Variants in RFWD3 observed in about 807,000 individuals in gnomAD.
RFWD3 encodes the protein ring finger and WD repeat domain 3, also known as E3 ubiquitin-protein ligase RFWD3.
Under a neutral mutation model 87.7 loss-of-function variants are expected in RFWD3, and 65 were observed. That is an observed-to-expected ratio of 0.74 (90% CI 0.61 to 0.91). RFWD3 has a LOEUF of 0.91. Ranked by LOEUF, RFWD3 falls within the 40% of genes least tolerant of loss-of-function variation. The pLI, the probability that RFWD3 is intolerant of heterozygous loss-of-function variation, is 0.00. For synonymous variants in RFWD3, 433 were observed against 352.8 expected (o/e 1.23, Z -2.55); for missense variants, 1,078 against 938.5 (o/e 1.15, Z -1.94).
rs1331838963 is a variant in RFWD3 at position 74,633,454 on chromosome 16, A to G, written c.1427-781T>C. Reference sequence around the variant, plus strand: ...AATACCACCCGTTAAAAAGGAATTAACTACTAATATATACAATAAAAAATT... The same window carrying G: ...AATACCACCCGTTAAAAAGGAATTAGCTACTAATATATACAATAAAAAATT... On this transcript the variant is annotated intron_variant, in intron 8 of 12. Transcript: ENST00000361070. Among the ~76,000 whole-genome samples the G allele has an allele frequency of 2.6e-5, 4 of 152,298 alleles. No individual in the cohort carries two copies. In the East Asian group the frequency reaches 5.8e-4, roughly 22 times the overall value.
chr16:74,665,610 T>A (rs1455542840), intron 1 of RFWD3, among the ~76,000 whole-genome samples: 3 of 151,008 alleles, frequency 2.0e-5, no homozygotes, highest in African/African-American at 7.3e-5. Context: ...AATAAAACAA[T>A]GAGCCGGGCG....
intron 1 of RFWD3, among the ~76,000 whole-genome samples, chr16:74,665,031 T>A (rs1961767938): frequency 6.6e-6 from 1 of 152,106 alleles, no homozygotes; most frequent in Non-Finnish European, 1.5e-5. Context: ...CTGTGAGCGG[T>A]GCTTAAAATG....
rs186091240 is a variant in RFWD3 at position 74,624,503 on chromosome 16, C to T, written c.2182-432G>A. ...ATCTGCCTCCTGGGTTCCAGCGATT[C>T]TCATGCCTCAGCCTCCCAAGTAGCT... On this transcript the variant is annotated intron_variant, in intron 12 of 12. Coordinates refer to ENST00000361070, the MANE Select transcript of RFWD3 (RefSeq NM_018124.4). Among the ~76,000 whole-genome samples, 783 of 152,334 alleles carry T rather than the reference C, an allele frequency of 5.1e-3. 2 individuals carry two copies. Among genetic ancestry groups the T allele is most frequent in the Non-Finnish European group, 8.5e-3 (579 of 68,024 alleles).
chr16:74,644,560 T>C lies in RFWD3; in HGVS notation c.968A>G (p.Gln323Arg), dbSNP rs779030049. ...CCTTACCTGGGGACATTTTCGTACT[T>C]GTCCTTTAAGCCACGTGGAAATGCA... The part of the protein sequence containing the change: ...YRCISTWLKG[Q>R]VRKCPQCNKK... Residue 323 changes from glutamine to arginine, a missense_variant, in exon 5 of 13, where the codon CAA becomes CGA. Coordinates refer to ENST00000361070, the MANE Select transcript of RFWD3 (RefSeq NM_018124.4). 6.8e-6 allele frequency: 11 copies of C among 1,614,088 alleles called. No individual in the cohort carries two copies. In the Admixed American group the frequency reaches 1.0e-4, roughly 15 times the overall value.
intron 3 of RFWD3, among the ~76,000 whole-genome samples, chr16:74,650,291 A>C (rs1235224023): frequency 6.1e-5 from 9 of 148,548 alleles, no homozygotes; most frequent in Non-Finnish European, 1.3e-4. Flanking sequence ...TTGTTCCTCC[A>C]CCCCCGTTTC....
At chr16:74,624,450 C>T (rs1958861983) in intron 12 of RFWD3, among the ~76,000 whole-genome samples, 1 of 152,190 alleles carries the variant, frequency 6.6e-6, no homozygotes, top group Non-Finnish European at 1.5e-5. Context: ...GGCTGCAGTG[C>T]AGTGGCACGA....
At chr16:74,636,649 C>G (rs1567572106) in intron 7 of RFWD3, 72 bp from the exon 8 acceptor site, 2 of 1,117,302 alleles carry the variant, frequency 1.8e-6, no homozygotes, top group East Asian at 5.2e-5. Context: ...ATTCCTTGAT[C>G]TTTTACAGGA....
intron 10 of RFWD3, among the ~76,000 whole-genome samples, chr16:74,629,519 TGTG>T (rs1432387113): frequency 6.6e-6 from 1 of 151,934 alleles, no homozygotes; most frequent in African/African-American, 2.4e-5. Flanking sequence ...GTTAGTCAGG[TGTG>T]GTGGCACACG....
At chr16:74,645,218 G>T (rs1206911750) in intron 4 of RFWD3, among the ~76,000 whole-genome samples, 3 of 152,194 alleles carry the variant, frequency 2.0e-5, no homozygotes, top group Non-Finnish European at 4.4e-5. Flanking sequence ...ATGAGATATG[G>T]ACATGCTTAT....
intron 4 of RFWD3, among the ~76,000 whole-genome samples, chr16:74,645,050 C>T (rs555209134): frequency 6.6e-6 from 1 of 151,822 alleles, no homozygotes; most frequent in East Asian, 1.9e-4. Context: ...TACCAGAGGG[C>T]AAAAAAAGAA....
intron 4 of RFWD3, among the ~76,000 whole-genome samples, chr16:74,648,535 G>A (rs189874663): frequency 9.4e-4 from 143 of 151,736 alleles, no homozygotes; most frequent in East Asian, 4.0e-3. Context: ...CACTTTGGGA[G>A]GCCGAGGTGG....
chr16:74,627,079 C>T (rs1330607170), intron 11 of RFWD3, among the ~76,000 whole-genome samples: 1 of 152,164 alleles, frequency 6.6e-6, no homozygotes, highest in Non-Finnish European at 1.5e-5. Flanking sequence ...CAACAAATCA[C>T]AGTCTTGGAG....
At chr16:74,647,793 T>A (rs370456974) in intron 4 of RFWD3, among the ~76,000 whole-genome samples, 2 of 152,220 alleles carry the variant, frequency 1.3e-5, no homozygotes, top group Non-Finnish European at 2.9e-5. Context: ...GGTTTCGCCA[T>A]GTTGGCCAGG....
At chr16:74,641,595 A>G (rs987478344) in intron 6 of RFWD3, among the ~76,000 whole-genome samples, 1 of 152,172 alleles carries the variant, frequency 6.6e-6, no homozygotes, top group Non-Finnish European at 1.5e-5. Flanking sequence ...CTACAGAAGA[A>G]AAAGTTATAA....
intron 8 of RFWD3, among the ~76,000 whole-genome samples, chr16:74,635,780 T>G (rs1959191400): frequency 6.6e-6 from 1 of 152,206 alleles, no homozygotes; most frequent in Admixed American, 6.5e-5. Context: ...GAAAGAAACA[T>G]CTGCAAGATT....
intron 1 of RFWD3, chr16:74,664,849 A>G (rs1961750678): frequency 6.6e-6 from 1 of 152,250 alleles, no homozygotes; most frequent in Non-Finnish European, 1.5e-5. Flanking sequence ...CATACTGGAC[A>G]GCAGAAATAC....
intron 6 of RFWD3, among the ~76,000 whole-genome samples, chr16:74,640,307 A>G (rs1959522607): frequency 6.6e-6 from 1 of 151,714 alleles, no homozygotes; most frequent in Non-Finnish European, 1.5e-5. Context: ...CACCACGCCC[A>G]GCTAATTTTT....
At chr16:74,654,153 G>C (rs1284628377) in intron 2 of RFWD3, among the ~76,000 whole-genome samples, 1 of 151,960 alleles carries the variant, frequency 6.6e-6, no homozygotes, top group Non-Finnish European at 1.5e-5. Flanking sequence ...CTCCTATTTG[G>C]TAGTCATGTC....
chr16:74,659,482 C>G (rs1397949260), intron 2 of RFWD3, among the ~76,000 whole-genome samples: 1 of 152,144 alleles, frequency 6.6e-6, no homozygotes, highest in East Asian at 1.9e-4. Flanking sequence ...GCAATCCCAG[C>G]TACTTAGGAG....
Sources: allele counts gnomAD v4.1 joint callset (sites outside exome capture counted in the v4.1 genomes callset), GRCh38; gene constraint gnomAD v4.1.1; transcripts MANE v1.5; gene names NCBI Gene and HGNC (gene_info 2026-07-23, HGNC 2026-07-21).